The following METAP1 variants were observed in gnomAD, a reference collection of about 807,000 sequenced individuals.
METAP1 encodes methionyl aminopeptidase 1, also known as methionine aminopeptidase 1.
METAP1 carries 28 observed loss-of-function variants against 53.8 expected under a neutral mutation model. The observed-to-expected ratio is 0.52, with a 90% CI of 0.39 to 0.71. The LOEUF (loss-of-function observed/expected upper bound fraction) is 0.71. Ranked by LOEUF, METAP1 falls within the 30% of genes least tolerant of loss-of-function variation. The probability of loss-of-function intolerance (pLI) is 0.00; values close to 1 mark genes in which losing one functional copy is unlikely to be tolerated. For synonymous variants in METAP1, 181 were observed against 165.7 expected, an observed-to-expected ratio of 1.09 and a Z score of -0.71; for missense variants, 389 against 479.8, an observed-to-expected ratio of 0.81 and a Z score of 1.77.
chr4:99,045,010 C>T (rs1019221189), intron 7 of METAP1, among the ~76,000 whole-genome samples, 169 bp from the exon 8 acceptor site: 4 of 152,224 alleles, frequency 2.6e-5, no homozygotes, highest in African/African-American at 9.6e-5. Context: ...AGTTCAGTTA[C>T]ATCTCAGGGA....
Position 99,041,059 on chromosome 4 carries a change from T to G in METAP1, c.449T>G (p.Leu150Trp). ...TTTTTACAGCTTGCTAGAGAAGTTT[T>G]GGATGTTGCTGCCGGCATGATTAAA... ...RLVCRLAREV[L>W]DVAAGMIKPG... The change falls in exon 6 of 11, where the codon TTG (leucine) becomes TGG (tryptophan). Residue 150 changes from leucine to tryptophan, a missense_variant. Transcript: ENST00000296411. 1 of 1,609,112 alleles carries G rather than the reference T, an allele frequency of 6.2e-7. No individual in the cohort carries two copies. The highest frequency in any genetic ancestry group is 2.2e-5 in the East Asian group (1 of 44,706).
intron 9 of METAP1, among the ~76,000 whole-genome samples, chr4:99,052,711 C>A (rs1336677523): frequency 7.9e-5 from 12 of 152,156 alleles, no homozygotes; most frequent in Admixed American, 7.9e-4. Context: ...AGATCCAAAC[C>A]ATATCAGGGT....
chr4:99,043,977 G>A (rs1368677049), intron 7 of METAP1, among the ~76,000 whole-genome samples: 1 of 152,122 alleles, frequency 6.6e-6, no homozygotes, highest in Non-Finnish European at 1.5e-5. Context: ...CTGTCACCCA[G>A]GCTCGAGTGC....
intron 4 of METAP1, among the ~76,000 whole-genome samples, chr4:99,036,851 A>G (rs374955065): frequency 6.6e-6 from 1 of 152,040 alleles, no homozygotes. Context: ...GTAGGTTGAT[A>G]GTCTAAAATA....
At chr4:99,043,935 GTAT>G (rs958306164) in intron 7 of METAP1, among the ~76,000 whole-genome samples, 21 of 152,114 alleles carry the variant, frequency 1.4e-4, no homozygotes, top group African/African-American at 4.8e-4. Flanking sequence ...TTTGTTTTGT[GTAT>G]TATTTTATTT....
At chr4:99,000,427 A>G (rs1722861556) in intron 1 of METAP1, among the ~76,000 whole-genome samples, 1 of 152,198 alleles carries the variant, frequency 6.6e-6, no homozygotes, top group Non-Finnish European at 1.5e-5. Context: ...GGAGTTGAGC[A>G]GAAGGTGACT....
chr4:99,022,605 G>T, intron 1 of METAP1: 1 of 696,862 alleles, frequency 1.4e-6, no homozygotes, highest in Non-Finnish European at 2.6e-6. Context: ...TGGCCTGAGT[G>T]ACCTCCACTC....
chr4:99,009,931 A>T (rs1723386915), intron 1 of METAP1, among the ~76,000 whole-genome samples: 1 of 152,216 alleles, frequency 6.6e-6, no homozygotes, highest in African/African-American at 2.4e-5. Flanking sequence ...TGTTATCTCC[A>T]AACAATCATT....
intron 9 of METAP1, among the ~76,000 whole-genome samples, chr4:99,050,750 A>G (rs62325204): frequency 6.6e-6 from 1 of 152,128 alleles, no homozygotes; most frequent in African/African-American, 2.4e-5. Flanking sequence ...CGCACTCCGT[A>G]TGAGAGAATC....
intron 2 of METAP1, chr4:99,031,468 C>G (rs559567488): frequency 2.3e-6 from 3 of 1,284,734 alleles, no homozygotes; most frequent in Admixed American, 4.6e-5. Flanking sequence ...TTCCACTCCC[C>G]TACCCATTCA....
At chr4:99,004,488 C>CACACAT (rs1723084114) in intron 1 of METAP1, among the ~76,000 whole-genome samples, 6 of 32,172 alleles carry the variant, frequency 1.9e-4, no homozygotes, top group African/African-American at 4.3e-4. Context: ...CACACATACA[C>CACACAT]ACACACACAC....
intron 1 of METAP1, among the ~76,000 whole-genome samples, chr4:99,011,711 CAGG>C (rs1723476574): frequency 6.6e-6 from 1 of 152,164 alleles, no homozygotes; most frequent in South Asian, 2.1e-4. Flanking sequence ...GAGGCTGAGG[CAGG>C]CGGATCACCT....
intron 4 of METAP1, among the ~76,000 whole-genome samples, chr4:99,036,250 G>A (rs972958569): frequency 6.6e-6 from 1 of 151,962 alleles, no homozygotes; most frequent in African/African-American, 2.4e-5. Flanking sequence ...AAGAAGTGGG[G>A]AACTGTATTA....
rs1251667315 is a variant in METAP1, at chr4:98,995,739, C to T, written c.-15C>T. The T allele has an allele frequency of 3.9e-6, 6 of 1,544,414 alleles. No homozygotes were observed. Among genetic ancestry groups the T allele is most frequent in the Admixed American group, 3.9e-5 (2 of 50,752 alleles). On this transcript the variant is annotated 5_prime_UTR_variant, in exon 1 of 11. Coordinates refer to ENST00000296411, the MANE Select transcript of METAP1 (RefSeq NM_015143.3). ...CCTCTTCCTCGGTGAGGCGCTCTTC[C>T]AGCGGGCAGGCAGCATGGCGGCCGT... is the stretch of plus-strand genomic sequence containing the variant.
At chr4:99,053,294 G>T (rs1437911533) in intron 9 of METAP1, among the ~76,000 whole-genome samples, 2 of 152,228 alleles carry the variant, frequency 1.3e-5, no homozygotes, top group African/African-American at 2.4e-5. Flanking sequence ...TGGTTGCCCA[G>T]GCTGGAGTGC....
intron 10 of METAP1, among the ~76,000 whole-genome samples, chr4:99,058,967 T>C (rs191446945): frequency 1.3e-5 from 2 of 152,340 alleles, no homozygotes; most frequent in Admixed American, 6.5e-5. Context: ...CATCCTCTTA[T>C]AATAAGGATA....
At chr4:99,026,825 A>C (rs149115600) in intron 1 of METAP1, 721 of 985,388 alleles carry the variant, frequency 7.3e-4, no homozygotes, top group Non-Finnish European at 8.4e-4. Flanking sequence ...TGGTTGCCTC[A>C]TGGCCCCAGT....
At position 99,041,416 on chromosome 4, in the gene METAP1, T is replaced by C. The variant is rs73832533; in HGVS notation, c.516+290T>C. On this transcript the variant is annotated intron_variant, in intron 6 of 10. Transcript: ENST00000296411. ...CTTTTATAAAATGATTGATTTTATC[T>C]GCTTTAAGTAAATCCTGCCACTACA... Among the ~76,000 whole-genome samples the C allele has an allele frequency of 7.1e-3, 1,077 of 152,282 alleles. 9 individuals are homozygous for C. Among genetic ancestry groups the C allele is most frequent in the African/African-American group, 0.024 (1,014 of 41,576 alleles).
chr4:99,029,030 A>C (rs556261095), intron 2 of METAP1, 112 bp downstream of exon 2: 2 of 668,412 alleles, frequency 3.0e-6, no homozygotes, highest in South Asian at 2.2e-5. Flanking sequence ...TGAAAGTATA[A>C]TCCTGAATAC....
Sources: gnomAD v4.1 joint callset for allele counts (sites outside exome capture counted in the v4.1 genomes callset) on GRCh38, gnomAD v4.1.1 for gene constraint, MANE v1.5 for transcripts, NCBI Gene and HGNC (gene_info 2026-07-23, HGNC 2026-07-21) for gene names.